The following CADM2 variants were observed in gnomAD, a reference collection of about 807,000 sequenced individuals.
CADM2 encodes the protein cell adhesion molecule 2, also known as immunoglobulin superfamily member 4D.
Under a neutral mutation model 49.8 loss-of-function variants are expected in CADM2, and 12 were observed. The observed-to-expected ratio is 0.24, with a 90% CI of 0.15 to 0.39. The LOEUF is 0.39. Ranked by LOEUF, CADM2 falls within the 10% of genes least tolerant of loss-of-function variation. The probability of loss-of-function intolerance (pLI) is 1.00; values close to 1 mark genes in which losing one functional copy is unlikely to be tolerated. For missense variants in CADM2, 378 were observed against 492.3 expected, an observed-to-expected ratio of 0.77 and a Z score of 2.20; for synonymous variants, 214 against 175.4, an observed-to-expected ratio of 1.22 and a Z score of -1.74.
intron 3 of CADM2, among the ~76,000 whole-genome samples, chr3:85,835,414 A>G (rs1439705352): frequency 1.3e-5 from 2 of 150,764 alleles, no homozygotes; most frequent in Non-Finnish European, 3.0e-5. Flanking sequence ...AGTCAAGCTC[A>G]CATGGGCATT....
intron 1 of CADM2, among the ~76,000 whole-genome samples, chr3:85,402,684 C>T (rs2035174252): frequency 6.6e-6 from 1 of 151,956 alleles, no homozygotes; most frequent in Non-Finnish European, 1.5e-5. Context: ...ACCAGAGGTC[C>T]TCCTCAAGAC....
intron 1 of CADM2, 121 bp from the exon 2 acceptor site, chr3:85,726,401 T>C (rs1215677664): frequency 9.4e-7 from 1 of 1,059,034 alleles, no homozygotes. Flanking sequence ...CTGTTGATCA[T>C]GAAATCACAA....
intron 1 of CADM2, among the ~76,000 whole-genome samples, chr3:85,016,660 G>C (rs2034260330): frequency 6.6e-6 from 1 of 152,014 alleles, no homozygotes; most frequent in Non-Finnish European, 1.5e-5. Context: ...GGGCATGAAG[G>C]TGCGCACCTG....
At chr3:84,997,574 T>C (rs2033245821) in intron 1 of CADM2, among the ~76,000 whole-genome samples, 2 of 151,942 alleles carry the variant, frequency 1.3e-5, no homozygotes, top group Non-Finnish European at 2.9e-5. Context: ...AATAACTGAG[T>C]TTTTCTCTTC....
intron 1 of CADM2, among the ~76,000 whole-genome samples, chr3:85,694,473 C>G (rs1425165095): frequency 2.0e-5 from 3 of 152,160 alleles, no homozygotes; most frequent in Non-Finnish European, 4.4e-5. Flanking sequence ...GACTTCCAGA[C>G]TCCAGAACTA....
At chr3:85,235,648 A>T (rs917207874) in intron 1 of CADM2, among the ~76,000 whole-genome samples, 1 of 152,154 alleles carries the variant, frequency 6.6e-6, no homozygotes, top group African/African-American at 2.4e-5. Context: ...ACTTTGTCTT[A>T]AAACTTTAAT....
chr3:85,445,082 C>A (rs1227332724), intron 1 of CADM2, among the ~76,000 whole-genome samples: 2 of 152,040 alleles, frequency 1.3e-5, no homozygotes, highest in Non-Finnish European at 2.9e-5. Context: ...TATATAGTCC[C>A]AGCAACAACC....
At chr3:85,997,053 A>G (rs1170727111) in intron 8 of CADM2, among the ~76,000 whole-genome samples, 1 of 152,152 alleles carries the variant, frequency 6.6e-6, no homozygotes, top group Admixed American at 6.5e-5. Context: ...TCCATAAACT[A>G]CTTTGCTAAA....
chr3:85,321,626 T>G lies in CADM2; in HGVS notation c.61+361958T>G, dbSNP rs541537674. On this transcript the variant is annotated intron_variant, in intron 1 of 9. Coordinates refer to ENST00000383699, the MANE Select transcript of CADM2 (RefSeq NM_001167675.2). ...GCTAAAAATATTGAAACAGTATAAT[T>G]TGATTTTATTAACTTTTCGTAAATT... is the stretch of plus-strand genomic sequence containing the variant. 3.8e-4 allele frequency among the ~76,000 whole-genome samples: 58 copies of G among 152,296 alleles called. No homozygotes were observed. The South Asian group carries it at 0.012, about 30-fold the overall frequency.
chr3:85,963,924 A>G (rs138857170), intron 8 of CADM2, among the ~76,000 whole-genome samples: 21 of 152,024 alleles, frequency 1.4e-4, no homozygotes, highest in Non-Finnish European at 2.5e-4. Flanking sequence ...GTGAAGTTCA[A>G]CAGTGGTTTA....
chr3:85,734,373 G>C (rs2068047551), intron 2 of CADM2, among the ~76,000 whole-genome samples: 1 of 151,822 alleles, frequency 6.6e-6, no homozygotes, highest in Non-Finnish European at 1.5e-5. Context: ...ATTTCCAAAT[G>C]AGAACACATG....
At chr3:85,674,916 C>T (rs1226576972) in intron 1 of CADM2, among the ~76,000 whole-genome samples, 2 of 152,096 alleles carry the variant, frequency 1.3e-5, no homozygotes, top group Non-Finnish European at 2.9e-5. Flanking sequence ...TTTCCTATAG[C>T]GAATAATTGT....
intron 1 of CADM2, among the ~76,000 whole-genome samples, chr3:85,130,515 A>G (rs1044364633): frequency 2.0e-5 from 3 of 152,196 alleles, no homozygotes; most frequent in Non-Finnish European, 4.4e-5. Context: ...AATATATTCA[A>G]TCTAATATTG....
At chr3:85,299,641 C>T (rs1462042184) in intron 1 of CADM2, among the ~76,000 whole-genome samples, 3 of 151,996 alleles carry the variant, frequency 2.0e-5, no homozygotes, top group Non-Finnish European at 4.4e-5. Context: ...CTCCTTGCAG[C>T]CCATATTACT....
At chr3:85,913,092 G>A (rs1054278401) in intron 6 of CADM2, among the ~76,000 whole-genome samples, 9 of 152,060 alleles carry the variant, frequency 5.9e-5, no homozygotes, top group Non-Finnish European at 1.3e-4. Context: ...AGTGCTAAAT[G>A]TTTTGCTGGA....
chr3:85,266,513 G>A (rs2043123667), intron 1 of CADM2, among the ~76,000 whole-genome samples: 1 of 151,350 alleles, frequency 6.6e-6, no homozygotes, highest in African/African-American at 2.4e-5. Context: ...CATAATACCA[G>A]GGCAATACCA....
chr3:85,863,949 G>A (rs2075630687), intron 3 of CADM2, among the ~76,000 whole-genome samples: 1 of 152,150 alleles, frequency 6.6e-6, no homozygotes, highest in Non-Finnish European at 1.5e-5. Context: ...TTGGTGGTCA[G>A]CAAGTAGCAT....
At position 85,886,344 on chromosome 3, in the gene CADM2, T is replaced by A; in HGVS notation, c.529+17T>A. Reference sequence around the variant, plus strand: ...AGATTAAAGGTAAAGAATAGAAAAATGAAAATCAAAATTAATGTGCTGAAA... The same window carrying A: ...AGATTAAAGGTAAAGAATAGAAAAAAGAAAATCAAAATTAATGTGCTGAAA... On this transcript the variant is annotated intron_variant, in intron 5 of 9. Coordinates refer to ENST00000383699, the MANE Select transcript of CADM2 (RefSeq NM_001167675.2). The A allele has an allele frequency of 6.3e-7, 1 of 1,585,056 alleles. No homozygotes were observed. The highest frequency in any genetic ancestry group is 1.7e-4 in the Middle Eastern group (1 of 6,012).
At chr3:85,205,586 A>T (rs931278981) in intron 1 of CADM2, among the ~76,000 whole-genome samples, 21 of 152,166 alleles carry the variant, frequency 1.4e-4, no homozygotes, top group African/African-American at 5.1e-4. Flanking sequence ...TAGAAAAATA[A>T]TTCAAATTAT....
Sources: gnomAD v4.1 joint callset for allele counts (sites outside exome capture counted in the v4.1 genomes callset) on GRCh38, gnomAD v4.1.1 for gene constraint, MANE v1.5 for transcripts, NCBI Gene and HGNC (gene_info 2026-07-23, HGNC 2026-07-21) for gene names.